Variants in IGF1R observed in about 807,000 individuals in gnomAD.
IGF1R encodes insulin like growth factor 1 receptor.
In IGF1R, 44 loss-of-function variants were observed where a neutral mutation model predicts 144.6. The ratio of observed to expected loss-of-function variants is 0.30; its 90% CI spans 0.24 to 0.39. The LOEUF (loss-of-function observed/expected upper bound fraction) is 0.39. Among genes scored for constraint, IGF1R ranks in the 10% least tolerant of loss-of-function variants. The pLI is 1.00. For synonymous variants in IGF1R, 795 were observed against 722.8 expected, an observed-to-expected ratio of 1.10 and a Z score of -1.60; for missense variants, 1,355 against 1,833.7, an observed-to-expected ratio of 0.74 and a Z score of 4.77.
In IGF1R at chr15:98,962,278, T is replaced by C. The variant is rs1257013195; in HGVS notation, c.*4836T>C. The C allele has an allele frequency of 4.3e-6, 1 of 233,442 alleles. No individual in the cohort carries two copies. 14.5% of individuals were successfully genotyped at this position (233,442 alleles called of 1,614,324 possible). A position where few individuals can be genotyped will look rare whatever the true frequency, so the allele number is the denominator to read the frequency against. On this transcript the variant is annotated 3_prime_UTR_variant, in exon 21 of 21. Coordinates refer to ENST00000650285, the MANE Select transcript of IGF1R (RefSeq NM_000875.5). The stretch of plus-strand genomic sequence containing the variant: ...ACCCGCCGTGGTATGCCTTGGCCCA[T>C]TCCAGCAGTCCCAGTTATGCATTTC...
At position 98,766,393 on chromosome 15, in the gene IGF1R, G is replaced by A. The variant is rs574616853; in HGVS notation, c.640+58286G>A. The stretch of plus-strand genomic sequence containing the variant: ...ACCTTTCACTTTTCCTCCATTTTTC[G>A]CTTAATGGATTTATACTTTAAAGTA... On this transcript the variant is annotated intron_variant, in intron 2 of 20. Transcript: ENST00000650285. 3.6e-4 allele frequency among the ~76,000 whole-genome samples: 54 copies of A among 151,862 alleles called. No homozygotes were observed. In the South Asian group the frequency reaches 9.4e-3, roughly 26 times the overall value.
At chr15:98,848,985 T>C (rs2011445288) in intron 2 of IGF1R, among the ~76,000 whole-genome samples, 1 of 152,240 alleles carries the variant, frequency 6.6e-6, no homozygotes, top group Non-Finnish European at 1.5e-5. Flanking sequence ...ATTAGCAAGA[T>C]GGCAAGATGT....
intron 2 of IGF1R, among the ~76,000 whole-genome samples, chr15:98,834,842 C>T (rs2057064343): frequency 6.6e-6 from 1 of 152,144 alleles, no homozygotes; most frequent in Admixed American, 6.6e-5. Context: ...AAAAACCAAA[C>T]CTCTGCCTTC....
intron 2 of IGF1R, among the ~76,000 whole-genome samples, chr15:98,744,192 G>A (rs1375947518): frequency 6.6e-6 from 1 of 151,970 alleles, no homozygotes; most frequent in Admixed American, 6.6e-5. Context: ...AGCGTTCAAG[G>A]GCCAGGTAGA....
rs60426791 is a variant in IGF1R at position 98,830,605 on chromosome 15, C to CTTTTTTTTTTTTT, written c.641-60715_641-60703dup. Reference sequence around the variant, plus strand: ...CATGGTTCCAACATCTGATCATCATCTTTTTTTTTTTTTTTTTAGATGGAG... The same window carrying CTTTTTTTTTTTTT: ...CATGGTTCCAACATCTGATCATCATCTTTTTTTTTTTTTTTTTTTTTTTTTTTTTTAGATGGAG... On this transcript the variant is annotated intron_variant, in intron 2 of 20. Transcript: ENST00000650285. Among the ~76,000 whole-genome samples the CTTTTTTTTTTTTT allele has an allele frequency of 6.2e-4, 84 of 135,932 alleles. 1 individual carries two copies. Among genetic ancestry groups the CTTTTTTTTTTTTT allele is most frequent in the African/African-American group, 2.1e-3 (75 of 35,346 alleles). 89.2% of individuals were successfully genotyped at this position (135,932 alleles called of 152,430 possible). A position where few individuals can be genotyped will look rare whatever the true frequency, so the allele number is the denominator to read the frequency against.
At chr15:98,792,740 C>T (rs920230240) in intron 2 of IGF1R, among the ~76,000 whole-genome samples, 13 of 152,144 alleles carry the variant, frequency 8.5e-5, no homozygotes, top group Non-Finnish European at 5.9e-5. Flanking sequence ...TTGAACTTAG[C>T]GTTTTTCTTT....
intron 1 of IGF1R, among the ~76,000 whole-genome samples, chr15:98,668,875 C>G (rs910527341): frequency 6.6e-6 from 1 of 152,238 alleles, no homozygotes; most frequent in Non-Finnish European, 1.5e-5. Context: ...GACAGACTTA[C>G]TGCTGCAGCC....
At chr15:98,661,955 C>CTTTTTTTTTTTTTTTTTTTTTTTTTTT (rs1567062333) in intron 1 of IGF1R, among the ~76,000 whole-genome samples, 1 of 108,206 alleles carries the variant, frequency 9.2e-6, no homozygotes, top group African/African-American at 4.2e-5. Flanking sequence ...TGAATAGGGC[C>CTTTTTTTTTTTTTTTTTTTTTTTTTTT]CTTTTTTTTT....
chr15:98,761,190 C>T (rs2055286903), intron 2 of IGF1R, among the ~76,000 whole-genome samples: 1 of 152,216 alleles, frequency 6.6e-6, no homozygotes, highest in South Asian at 2.1e-4. Context: ...TGCAGGGGCA[C>T]TGTGGAGCAC....
At chr15:98,687,402 T>G (rs139875149) in intron 1 of IGF1R, among the ~76,000 whole-genome samples, 1 of 152,312 alleles carries the variant, frequency 6.6e-6, no homozygotes, top group East Asian at 1.9e-4. Context: ...TCTTGGAGTT[T>G]AGAAACCTCA....
intron 20 of IGF1R, among the ~76,000 whole-genome samples, chr15:98,950,854 T>TG (rs1567219136): frequency 6.6e-6 from 1 of 152,104 alleles, no homozygotes; most frequent in African/African-American, 2.4e-5. Flanking sequence ...AATTCCATAG[T>TG]CTCAGAAATC....
At chr15:98,809,574 G>A (rs776138488) in intron 2 of IGF1R, among the ~76,000 whole-genome samples, 18 of 152,202 alleles carry the variant, frequency 1.2e-4, no homozygotes, top group Non-Finnish European at 2.2e-4. Context: ...TTATAAAACC[G>A]CTGAGTAGAC....
At chr15:98,875,624 G>A (rs2013024801) in intron 2 of IGF1R, among the ~76,000 whole-genome samples, 1 of 152,014 alleles carries the variant, frequency 6.6e-6, no homozygotes, top group Admixed American at 6.5e-5. Flanking sequence ...CCACTGTAGA[G>A]CTGCCCTGCT....
At chr15:98,675,026 C>G in intron 1 of IGF1R, among the ~76,000 whole-genome samples, 1 of 139,878 alleles carries the variant, frequency 7.1e-6, no homozygotes, top group South Asian at 2.2e-4. Flanking sequence ...CTCTGTTGCC[C>G]AGGCTGGAGT....
chr15:98,841,911 G>A (rs2011181210), intron 2 of IGF1R, among the ~76,000 whole-genome samples: 1 of 152,132 alleles, frequency 6.6e-6, no homozygotes, highest in Admixed American at 6.5e-5. Context: ...CTACACTGTT[G>A]GCCTCTCGAG....
At chr15:98,815,475 A>C (rs990752410) in intron 2 of IGF1R, among the ~76,000 whole-genome samples, 1 of 152,266 alleles carries the variant, frequency 6.6e-6, no homozygotes, top group Non-Finnish European at 1.5e-5. Flanking sequence ...GGCTGGGCCC[A>C]TGCAAACAGG....
At chr15:98,906,299 A>C (rs140176408) in intron 5 of IGF1R, among the ~76,000 whole-genome samples, 243 of 152,344 alleles carry the variant, frequency 1.6e-3, no homozygotes, top group African/African-American at 5.6e-3. Context: ...TTCTGGGTGT[A>C]GATGGAAGTT....
intron 2 of IGF1R, among the ~76,000 whole-genome samples, chr15:98,809,934 T>TA: frequency 6.6e-6 from 1 of 152,234 alleles, no homozygotes; most frequent in Non-Finnish European, 1.5e-5. Flanking sequence ...GTATATGGGA[T>TA]AGCCACGGGG....
chr15:98,861,329 C>G (rs1047325800), intron 2 of IGF1R, among the ~76,000 whole-genome samples: 13 of 152,154 alleles, frequency 8.5e-5, no homozygotes, highest in Non-Finnish European at 1.8e-4. Flanking sequence ...TGTTATCGGT[C>G]TTCTCCCCTC....
Sources: allele counts gnomAD v4.1 joint callset (sites outside exome capture counted in the v4.1 genomes callset), GRCh38; gene constraint gnomAD v4.1.1; transcripts MANE v1.5; gene names NCBI Gene and HGNC (gene_info 2026-07-23, HGNC 2026-07-21).